The following EFCAB5 variants were observed in gnomAD, a reference collection of about 807,000 sequenced individuals.
EFCAB5 encodes the protein EF-hand calcium binding domain 5, also known as EF-hand calcium-binding domain-containing protein 5.
EFCAB5 carries 131 observed loss-of-function variants against 167.9 expected under a neutral mutation model. That is an observed-to-expected ratio of 0.78 (90% CI 0.68 to 0.90). EFCAB5 has a LOEUF of 0.90. Ranked by LOEUF, EFCAB5 falls within the 40% of genes least tolerant of loss-of-function variation. The pLI, the probability that EFCAB5 is intolerant of heterozygous loss-of-function variation, is 0.00. For synonymous variants in EFCAB5, 574 were observed against 602.8 expected, an observed-to-expected ratio of 0.95 and a Z score of 0.70; for missense variants, 1,663 against 1,745.2, an observed-to-expected ratio of 0.95 and a Z score of 0.84.
intron 7 of EFCAB5, among the ~76,000 whole-genome samples, chr17:30,017,392 A>G (rs944885406): frequency 3.9e-5 from 6 of 152,204 alleles, no homozygotes; most frequent in Non-Finnish European, 8.8e-5. Context: ...TTTTTAAATC[A>G]TCATTAATTT....
At chr17:29,993,464 G>A in intron 5 of EFCAB5, 143 bp downstream of exon 5, 4 of 640,670 alleles carry the variant, frequency 6.2e-6, no homozygotes, top group Non-Finnish European at 9.1e-6. Flanking sequence ...TGGTCCGTGA[G>A]TGTTGATTCC....
intron 3 of EFCAB5, among the ~76,000 whole-genome samples, 173 bp from the exon 4 acceptor site, chr17:29,968,618 T>C (rs2067882745): frequency 6.6e-6 from 1 of 152,218 alleles, no homozygotes; most frequent in African/African-American, 2.4e-5. Flanking sequence ...AAGTCAACAA[T>C]AAATGTCTTT....
At chr17:30,078,844 A>G (rs991938023) in intron 15 of EFCAB5, among the ~76,000 whole-genome samples, 3 of 152,270 alleles carry the variant, frequency 2.0e-5, no homozygotes, top group Non-Finnish European at 2.9e-5. Flanking sequence ...ATGTACAAGC[A>G]GTTCAAGCTA....
chr17:30,087,052 C>T lies in EFCAB5; in HGVS notation c.3580-11C>T. ...TAATTACTCCTAATGAAATGCCTTC[C>T]TCTTTTCAAGGATTCAGACTATGTT... On this transcript the variant is annotated splice_polypyrimidine_tract_variant and intron_variant, in intron 18 of 22. Transcript: ENST00000394835. 1.2e-6 allele frequency: 2 copies of T among 1,612,000 alleles called. No homozygotes were observed. Among genetic ancestry groups the T allele is most frequent in the Non-Finnish European group, 1.7e-6 (2 of 1,178,504 alleles).
intron 4 of EFCAB5, among the ~76,000 whole-genome samples, chr17:29,991,771 C>T (rs984209550): frequency 6.6e-6 from 1 of 152,164 alleles, no homozygotes; most frequent in Non-Finnish European, 1.5e-5. Flanking sequence ...GAAATCAATC[C>T]CTTCAGATGA....
Position 30,080,745 on chromosome 17 carries a change from T to C in EFCAB5, c.3198-8T>C. ...CCTTTCTTCCATCCTCATACTCTTT[T>C]TCCTCAGCTTTACAGTAGTGGATGA... On this transcript the variant is annotated splice_region_variant and splice_polypyrimidine_tract_variant and intron_variant, in intron 16 of 22. Coordinates refer to ENST00000394835, the MANE Select transcript of EFCAB5 (RefSeq NM_198529.4). 1 of 1,580,268 alleles carries C rather than the reference T, an allele frequency of 6.3e-7. No individual in the cohort carries two copies. The highest frequency in any genetic ancestry group is 1.3e-5 in the African/African-American group (1 of 74,468).
At chr17:29,984,936 CA>C (rs1480203238) in intron 4 of EFCAB5, among the ~76,000 whole-genome samples, 1 of 152,046 alleles carries the variant, frequency 6.6e-6, no homozygotes, top group Non-Finnish European at 1.5e-5. Flanking sequence ...CAGATGTATC[CA>C]ATTTACCAGT....
chr17:30,089,490 G>A (rs147469292), intron 19 of EFCAB5, among the ~76,000 whole-genome samples: 1 of 152,134 alleles, frequency 6.6e-6, no homozygotes, highest in African/African-American at 2.4e-5. Context: ...ATGTAGATGG[G>A]GAAAGGGAAA....
intron 6 of EFCAB5, among the ~76,000 whole-genome samples, chr17:29,997,959 G>A (rs2068583047): frequency 6.7e-6 from 1 of 150,348 alleles, no homozygotes; most frequent in Admixed American, 6.6e-5. Flanking sequence ...AACCTCACTT[G>A]TCCCATAGGA....
At chr17:30,035,403 G>C (rs2069589326) in intron 8 of EFCAB5, among the ~76,000 whole-genome samples, 1 of 152,188 alleles carries the variant, frequency 6.6e-6, no homozygotes, top group African/African-American at 2.4e-5. Context: ...TCAAGCAGTA[G>C]TTATATGCTG....
intron 14 of EFCAB5, among the ~76,000 whole-genome samples, chr17:30,077,336 G>A (rs988588680): frequency 1.3e-4 from 19 of 151,974 alleles, no homozygotes; most frequent in Admixed American, 1.1e-3. Context: ...AATGCAAAAC[G>A]AAACCACGTG....
intron 7 of EFCAB5, among the ~76,000 whole-genome samples, chr17:30,020,223 C>A (rs2069142290): frequency 6.6e-6 from 1 of 152,032 alleles, no homozygotes; most frequent in South Asian, 2.1e-4. Context: ...AATAATACTG[C>A]AAAGAATATT....
chr17:30,075,838 C>G (rs1319600131), intron 14 of EFCAB5, among the ~76,000 whole-genome samples: 1 of 152,188 alleles, frequency 6.6e-6, no homozygotes, highest in Non-Finnish European at 1.5e-5. Flanking sequence ...TTACCTTGCT[C>G]TGCCCCACCT....
intron 19 of EFCAB5, 140 bp from the exon 20 acceptor site, chr17:30,090,281 C>A: frequency 9.1e-7 from 1 of 1,094,902 alleles, no homozygotes; most frequent in Non-Finnish European, 1.3e-6. Flanking sequence ...GGCTAGAATG[C>A]TCCAGGCAGA....
intron 15 of EFCAB5, among the ~76,000 whole-genome samples, 166 bp downstream of exon 15, chr17:30,078,670 G>A (rs749051593): frequency 2.0e-5 from 3 of 152,218 alleles, no homozygotes; most frequent in Non-Finnish European, 2.9e-5. Context: ...GCCTAGGAGA[G>A]ATACAACTGG....
At chr17:30,053,069 A>G (rs546255584) in intron 9 of EFCAB5, among the ~76,000 whole-genome samples, 186 bp from the exon 10 acceptor site, 1 of 152,354 alleles carries the variant, frequency 6.6e-6, no homozygotes, top group East Asian at 1.9e-4. Context: ...TTACAGTAGT[A>G]TAAGTTCTTT....
At chr17:30,051,300 A>G (rs1211290078) in intron 9 of EFCAB5, 83 bp downstream of exon 9, 1 of 1,137,086 alleles carries the variant, frequency 8.8e-7, no homozygotes, top group African/African-American at 1.5e-5. Context: ...CTGATATGTT[A>G]ACACAAGATT....
At chr17:30,009,004 C>G (rs2068834690) in intron 7 of EFCAB5, among the ~76,000 whole-genome samples, 1 of 152,146 alleles carries the variant, frequency 6.6e-6, no homozygotes, top group African/African-American at 2.4e-5. Flanking sequence ...CATTCCTTTA[C>G]TTGTGGCTGC....
rs199980699 is a variant in EFCAB5 at position 30,057,852 on chromosome 17, G to A, written c.2542G>A (p.Val848Ile). ...TLTSFFKEGY[V>I]ETEQEKMNAL... ...CACCTCCTTTTTTAAGGAGGGCTAT[G>A]TTGAAACAGAACAAGAGAAAATGAA... The change falls in exon 13 of 23, where the codon GTT (valine) becomes ATT (isoleucine). Residue 848 changes from valine (V) to isoleucine (I), a missense_variant. Transcript: ENST00000394835. 9.9e-6 allele frequency: 16 copies of A among 1,613,776 alleles called. No individual in the cohort carries two copies. Among genetic ancestry groups the A allele is most frequent in the Non-Finnish European group, 1.4e-5 (16 of 1,179,730 alleles).
Sources: gnomAD v4.1 joint callset for allele counts (sites outside exome capture counted in the v4.1 genomes callset) on GRCh38, gnomAD v4.1.1 for gene constraint, MANE v1.5 for transcripts, NCBI Gene and HGNC (gene_info 2026-07-23, HGNC 2026-07-21) for gene names.